The following TREML4 variants were observed in gnomAD, a reference collection of about 807,000 sequenced individuals.
The protein encoded by TREML4 is triggering receptor expressed on myeloid cells like 4.
TREML4 carries 25 observed loss-of-function variants against 25.4 expected under a neutral mutation model. That is an observed-to-expected ratio of 0.98 (90% CI 0.72 to 1.37). TREML4 has a LOEUF of 1.37. Ranked by LOEUF, TREML4 falls within the 40% of genes most tolerant of loss-of-function variation. The pLI, the probability that TREML4 is intolerant of heterozygous loss-of-function variation, is 0.00. For missense variants in TREML4, 268 were observed against 236.5 expected (o/e 1.13, Z -0.87); for synonymous variants, 92 against 87.9 (o/e 1.05, Z -0.26).
At position 41,230,160 on chromosome 6, in the gene TREML4, G is replaced by A. The variant is rs1317330380; in HGVS notation, c.506+38G>A. The A allele has an allele frequency of 2.0e-6, 3 of 1,527,180 alleles. No individual in the cohort carries two copies. The East Asian group carries it at 6.8e-5, about 34-fold the overall frequency. 94.6% of individuals were successfully genotyped at this position (1,527,180 alleles called of 1,614,324 possible). Reference sequence around the variant, plus strand: ...TTTTAACACTGGGAGGGAGGTCTTGGGAAGGGAGGGCCTGATTAGCTCCTG... The same window carrying A: ...TTTTAACACTGGGAGGGAGGTCTTGAGAAGGGAGGGCCTGATTAGCTCCTG... On this transcript the variant is annotated intron_variant, in intron 4 of 5. Coordinates refer to ENST00000341495, the MANE Select transcript of TREML4 (RefSeq NM_198153.3).
At chr6:41,230,651 T>C (rs1002422196) in intron 4 of TREML4, among the ~76,000 whole-genome samples, 6 of 151,974 alleles carry the variant, frequency 3.9e-5, no homozygotes, top group Non-Finnish European at 8.8e-5. Flanking sequence ...TTGATGAAAA[T>C]AGACAACTAA....
intron 4 of TREML4, among the ~76,000 whole-genome samples, chr6:41,234,271 C>T (rs1212260201): frequency 6.6e-6 from 1 of 151,770 alleles, no homozygotes; most frequent in Non-Finnish European, 1.5e-5. Flanking sequence ...GATAATATGA[C>T]CACTATATAT....
chr6:41,231,990 G>C (rs1292678294), intron 4 of TREML4, among the ~76,000 whole-genome samples: 1 of 152,110 alleles, frequency 6.6e-6, no homozygotes, highest in African/African-American at 2.4e-5. Context: ...TTATGTAAAA[G>C]GGAAGAACTT....
intron 3 of TREML4, 75 bp from the exon 4 acceptor site, chr6:41,229,987 C>A: frequency 7.6e-7 from 1 of 1,310,812 alleles, no homozygotes; most frequent in Non-Finnish European, 1.1e-6. Flanking sequence ...CCCTTCCTCT[C>A]ACACTTTTGG....
intron 5 of TREML4, 123 bp downstream of exon 5, chr6:41,236,740 TA>T: frequency 1.7e-6 from 1 of 590,788 alleles, no homozygotes; most frequent in Admixed American, 3.0e-5. Context: ...GGGAACAATT[TA>T]AAAGTGTGTT....
chr6:41,236,212 C>A (rs1766895848), intron 4 of TREML4, among the ~76,000 whole-genome samples: 1 of 152,168 alleles, frequency 6.6e-6, no homozygotes, highest in South Asian at 2.1e-4. Context: ...CCTGCTCCCC[C>A]AGCTCTATCC....
rs111708839 is a variant in TREML4, at chr6:41,229,370, C to T, written c.395-151C>T. 4,181 of 821,812 alleles carry T rather than the reference C, an allele frequency of 5.1e-3. 60 individuals are homozygous for T. Among genetic ancestry groups the T allele is most frequent in the Middle Eastern group, 0.032 (135 of 4,274 alleles). 50.9% of individuals were successfully genotyped at this position (821,812 alleles called of 1,614,324 possible). A position where few individuals can be genotyped will look rare whatever the true frequency, so the allele number is the denominator to read the frequency against. On this transcript the variant is annotated intron_variant, in intron 2 of 5. Transcript: ENST00000341495. ...CACACTAACACACACACACCAACAA[C>T]TCTGTCATGCAGATCTTAGGCACAG...
chr6:41,230,199 A>G lies in TREML4; in HGVS notation c.506+77A>G, dbSNP rs553291787. 1.8e-3 allele frequency: 2,143 copies of G among 1,224,008 alleles called. 5 individuals are homozygous for G. Among genetic ancestry groups the G allele is most frequent in the Non-Finnish European group, 2.3e-3 (1,893 of 833,204 alleles). 75.8% of individuals were successfully genotyped at this position (1,224,008 alleles called of 1,614,324 possible). On this transcript the variant is annotated intron_variant, in intron 4 of 5. Coordinates refer to ENST00000341495, the MANE Select transcript of TREML4 (RefSeq NM_198153.3). Reference sequence around the variant, plus strand: ...GATTAGCTCCTGAACCTTGGAATCAAGTCCAGGGCACCCAGGGATCCTTCT... The same window carrying G: ...GATTAGCTCCTGAACCTTGGAATCAGGTCCAGGGCACCCAGGGATCCTTCT...
Position 41,236,618 on chromosome 6 carries a change from G to A in TREML4, c.*35+1G>A, listed in dbSNP as rs190113488. 74 of 1,546,690 alleles carry A rather than the reference G, an allele frequency of 4.8e-5. 1 individual carries two copies. Among genetic ancestry groups the A allele is most frequent in the Non-Finnish European group, 6.4e-5 (72 of 1,120,078 alleles). ...TGCTCCTGATCTGCAGGTGCCACAG[G>A]TGAGGGGGCCTGGATTTCACCTGGG... On this transcript the variant is annotated splice_donor_variant, in intron 5 of 5. Coordinates refer to ENST00000341495, the MANE Select transcript of TREML4 (RefSeq NM_198153.3). LOFTEE classifies it low-confidence loss of function (3UTR_SPLICE).
At chr6:41,235,229 C>A (rs1766872792) in intron 4 of TREML4, among the ~76,000 whole-genome samples, 1 of 152,008 alleles carries the variant, frequency 6.6e-6, no homozygotes, top group Non-Finnish European at 1.5e-5. Flanking sequence ...AGATTGTACA[C>A]CAATGATTAC....
At chr6:41,229,906 G>C (rs1307744988) in intron 3 of TREML4, among the ~76,000 whole-genome samples, 156 bp from the exon 4 acceptor site, 1 of 152,146 alleles carries the variant, frequency 6.6e-6, no homozygotes, top group African/African-American at 2.4e-5. Context: ...GACTTCAGCT[G>C]GTTATGGAGA....
intron 4 of TREML4, among the ~76,000 whole-genome samples, chr6:41,234,329 A>G (rs1766859417): frequency 6.6e-6 from 1 of 152,078 alleles, no homozygotes; most frequent in Non-Finnish European, 1.5e-5. Flanking sequence ...GTACCTTTGA[A>G]TATATTTGTT....
chr6:41,228,517 G>A, intron 1 of TREML4, 27 bp downstream of exon 1: 4 of 1,606,210 alleles, frequency 2.5e-6, no homozygotes, highest in Admixed American at 3.4e-5. Flanking sequence ...GAGTGCAGGG[G>A]GTGTAAGGAG....
intron 4 of TREML4, chr6:41,231,172 G>A (rs976195093): frequency 2.1e-5 from 7 of 338,452 alleles, no homozygotes; most frequent in African/African-American, 1.3e-4. Context: ...ATTACAACAT[G>A]ATAATAATAG....
At position 41,237,560 on chromosome 6, in the gene TREML4, A is replaced by C. The variant is rs1766928223; in HGVS notation, c.*541A>C. The C allele has an allele frequency of 6.6e-6, 1 of 152,218 alleles. No individual in the cohort carries two copies. Among genetic ancestry groups the C allele is most frequent in the South Asian group, 2.1e-4 (1 of 4,828 alleles). The allele number at this position is 152,218 out of a possible 1,614,324, so 9.4% of individuals were successfully genotyped here. A position where few individuals can be genotyped will look rare whatever the true frequency, so the allele number is the denominator to read the frequency against. On this transcript the variant is annotated 3_prime_UTR_variant, in exon 6 of 6. Transcript: ENST00000341495. ...CTCTGAACTGAAATGTGTCAGGGGCAGCTGAGCAAGACAGCAGTTGTATCC... is the reference window on the plus strand; with the variant it reads ...CTCTGAACTGAAATGTGTCAGGGGCCGCTGAGCAAGACAGCAGTTGTATCC...
intron 4 of TREML4, chr6:41,232,585 T>C (rs567800993): frequency 1.3e-5 from 2 of 155,686 alleles, no homozygotes; most frequent in South Asian, 4.1e-4. Flanking sequence ...TTATTACATT[T>C]TAATATATAA....
chr6:41,233,918 T>C (rs1267857229), intron 4 of TREML4, among the ~76,000 whole-genome samples: 2 of 151,476 alleles, frequency 1.3e-5, no homozygotes, highest in African/African-American at 4.8e-5. Flanking sequence ...TTCTAAACTA[T>C]ATAAATATAA....
chr6:41,233,346 C>T (rs976542896), intron 4 of TREML4, among the ~76,000 whole-genome samples: 21 of 152,122 alleles, frequency 1.4e-4, no homozygotes, highest in Admixed American at 1.1e-3. Flanking sequence ...GTTATACTAT[C>T]TATAAGAGAT....
In TREML4 at chr6:41,229,572, G is replaced by A. The variant is rs1766746239; in HGVS notation, c.445+1G>A. The stretch of plus-strand genomic sequence containing the variant: ...CTTCCCTGGCTCCCAACAAGCACAG[G>A]TAGGTTGGAGGCCTCGGTGGGGGAA... On this transcript the variant is annotated splice_donor_variant, in intron 3 of 5. Coordinates refer to ENST00000341495, the MANE Select transcript of TREML4 (RefSeq NM_198153.3). LOFTEE classifies it high-confidence loss of function. 13 of 1,613,894 alleles carry A rather than the reference G, an allele frequency of 8.1e-6. No individual in the cohort carries two copies. The highest frequency in any genetic ancestry group is 1.1e-5 in the South Asian group (1 of 91,060).
Sources: gnomAD v4.1 joint callset for allele counts (sites outside exome capture counted in the v4.1 genomes callset) on GRCh38, gnomAD v4.1.1 for gene constraint, MANE v1.5 for transcripts, NCBI Gene and HGNC (gene_info 2026-07-23, HGNC 2026-07-21) for gene names.